AGBL4: variants seen among roughly 807,000 people sequenced by gnomAD.
AGBL4 encodes the protein cytosolic carboxypeptidase 6.
AGBL4 carries 58 observed loss-of-function variants against 66.4 expected under a neutral mutation model. The observed-to-expected ratio is 0.87, with a 90% confidence interval of 0.71 to 1.09. AGBL4 has a LOEUF of 1.09. Among genes scored for constraint, AGBL4 ranks in the 50% least tolerant of loss-of-function variants. AGBL4 has a pLI of 0.00. For missense variants in AGBL4, 579 were observed against 631.0 expected, an observed-to-expected ratio of 0.92 and a Z score of 0.88; for synonymous variants, 234 against 222.9, an observed-to-expected ratio of 1.05 and a Z score of -0.44.
chr1:49,810,976 T>C (rs1299377364), intron 2 of AGBL4, among the ~76,000 whole-genome samples: 5 of 152,244 alleles, frequency 3.3e-5, no homozygotes, highest in Middle Eastern at 3.4e-3. Context: ...ATCAAATATA[T>C]AGGCAATTAA....
intron 3 of AGBL4, among the ~76,000 whole-genome samples, chr1:49,552,956 G>A (rs892389340): frequency 2.6e-5 from 4 of 151,962 alleles, no homozygotes; most frequent in African/African-American, 9.7e-5. Flanking sequence ...CCTAATATTT[G>A]TATTAGGCAC....
chr1:49,942,392 C>A (rs553859292), intron 1 of AGBL4, among the ~76,000 whole-genome samples: 12 of 151,828 alleles, frequency 7.9e-5, no homozygotes, highest in African/African-American at 2.7e-4. Context: ...CAAACTTGAG[C>A]GAAAAAACAA....
chr1:49,899,670 A>C (rs1045000930), intron 1 of AGBL4, among the ~76,000 whole-genome samples: 13 of 152,182 alleles, frequency 8.5e-5, no homozygotes, highest in Non-Finnish European at 1.8e-4. Context: ...AACCAATTAA[A>C]TCAGATTTGA....
At chr1:49,564,547 C>T (rs1644141208) in intron 3 of AGBL4, among the ~76,000 whole-genome samples, 2 of 152,048 alleles carry the variant, frequency 1.3e-5, no homozygotes, top group South Asian at 2.1e-4. Context: ...TTTATTTCTG[C>T]CTTCATTTTG....
intron 4 of AGBL4, among the ~76,000 whole-genome samples, chr1:49,220,723 A>G (rs1382292457): frequency 6.6e-6 from 1 of 152,064 alleles, no homozygotes; most frequent in Non-Finnish European, 1.5e-5. Context: ...TTGAAGCCAC[A>G]AAGATATAGG....
intron 3 of AGBL4, among the ~76,000 whole-genome samples, chr1:49,556,553 G>GAC (rs1195338421): frequency 1.2e-4 from 18 of 151,068 alleles, no homozygotes. Context: ...TCTTTAGCTA[G>GAC]ACACAAAGTG....
At chr1:48,598,574 C>T (rs1471352325) in intron 9 of AGBL4, among the ~76,000 whole-genome samples, 2 of 151,848 alleles carry the variant, frequency 1.3e-5, no homozygotes, top group Admixed American at 6.6e-5. Flanking sequence ...GTCAGGAATT[C>T]AAGACCAGCC....
At chr1:48,887,516 C>T (rs1650486390) in intron 5 of AGBL4, among the ~76,000 whole-genome samples, 2 of 152,036 alleles carry the variant, frequency 1.3e-5, no homozygotes, top group South Asian at 4.2e-4. Context: ...TTGTTCCTAG[C>T]ACAACAACCC....
chr1:49,863,247 A>T (rs1004918213), intron 1 of AGBL4, among the ~76,000 whole-genome samples: 1 of 152,184 alleles, frequency 6.6e-6, no homozygotes, highest in Non-Finnish European at 1.5e-5. Flanking sequence ...TGGAAAATGA[A>T]TCTAGACCCC....
At chr1:48,986,498 G>A (rs1404190172) in intron 5 of AGBL4, among the ~76,000 whole-genome samples, 1 of 151,882 alleles carries the variant, frequency 6.6e-6, no homozygotes, top group African/African-American at 2.4e-5. Flanking sequence ...CAAGTGAGAT[G>A]ACAGAGCAAC....
At chr1:49,731,006 A>C (rs1485717203) in intron 2 of AGBL4, among the ~76,000 whole-genome samples, 8 of 152,070 alleles carry the variant, frequency 5.3e-5, no homozygotes, top group African/African-American at 1.9e-4. Context: ...ACTTCTATGG[A>C]CTACATCAAT....
intron 3 of AGBL4, among the ~76,000 whole-genome samples, chr1:49,409,135 C>T (rs963278861): frequency 3.6e-5 from 4 of 112,578 alleles, no homozygotes; most frequent in Non-Finnish European, 6.2e-5. Flanking sequence ...CTCCATCAAA[C>T]CCCACTCTCT....
At chr1:49,119,559 A>G (rs1435333083) in intron 4 of AGBL4, among the ~76,000 whole-genome samples, 8 of 152,030 alleles carry the variant, frequency 5.3e-5, no homozygotes, top group African/African-American at 1.9e-4. Context: ...TGTGGTCTGA[A>G]AGAGAGTTTG....
intron 4 of AGBL4, among the ~76,000 whole-genome samples, chr1:49,083,606 C>G (rs1644846114): frequency 6.6e-6 from 1 of 152,184 alleles, no homozygotes. Context: ...TTTTTTCCTT[C>G]TAGGTTCCCA....
chr1:48,923,678 T>C (rs773712871), intron 5 of AGBL4, among the ~76,000 whole-genome samples: 11 of 152,170 alleles, frequency 7.2e-5, no homozygotes, highest in East Asian at 1.9e-4. Context: ...TGTCACTGTA[T>C]TGTGTGCTCA....
intron 3 of AGBL4, among the ~76,000 whole-genome samples, chr1:49,293,857 G>A (rs1644591072): frequency 6.6e-6 from 1 of 152,212 alleles, no homozygotes; most frequent in Admixed American, 6.5e-5. Context: ...GTAAGTCAGT[G>A]CTTTAATTAG....
chr1:48,636,672 T>C (rs964980910), intron 8 of AGBL4, among the ~76,000 whole-genome samples: 5 of 152,240 alleles, frequency 3.3e-5, no homozygotes, highest in African/African-American at 4.8e-5. Context: ...TTCTTAAATA[T>C]TCTTATCTGA....
At chr1:49,753,990 T>C (rs1183238473) in intron 2 of AGBL4, among the ~76,000 whole-genome samples, 1 of 152,206 alleles carries the variant, frequency 6.6e-6, no homozygotes, top group African/African-American at 2.4e-5. Context: ...TCAAGATTCT[T>C]AGCTTCCTTG....
intron 3 of AGBL4, among the ~76,000 whole-genome samples, chr1:49,593,571 T>C (rs1172182410): frequency 6.6e-6 from 1 of 152,182 alleles, no homozygotes. Flanking sequence ...TTAAATTACT[T>C]ACATATAGCA....
Sources: gnomAD v4.1 joint callset for allele counts (sites outside exome capture counted in the v4.1 genomes callset) on GRCh38, gnomAD v4.1.1 for gene constraint, MANE v1.5 for transcripts, NCBI Gene and HGNC (gene_info 2026-07-23, HGNC 2026-07-21) for gene names.